PDE3B: variants seen among roughly 807,000 people sequenced by gnomAD.
PDE3B encodes phosphodiesterase 3B, also known as cGMP-inhibited 3',5'-cyclic phosphodiesterase 3B.
PDE3B carries 66 observed loss-of-function variants against 116.8 expected under a neutral mutation model. The ratio of observed to expected loss-of-function variants is 0.56; its 90% CI spans 0.46 to 0.69. The LOEUF is 0.69. Among genes scored for constraint, PDE3B ranks in the 30% least tolerant of loss-of-function variants. The pLI is 0.00. For synonymous variants in PDE3B, 595 were observed against 533.6 expected (o/e 1.12, Z -1.59); for missense variants, 1,384 against 1,368.1 (o/e 1.01, Z -0.18).
At chr11:14,674,917 C>T (rs752380294) in intron 1 of PDE3B, among the ~76,000 whole-genome samples, 2 of 152,128 alleles carry the variant, frequency 1.3e-5, no homozygotes, top group Admixed American at 6.6e-5. Flanking sequence ...GGCAGGACTA[C>T]TAATTTTTTT....
intron 1 of PDE3B, among the ~76,000 whole-genome samples, chr11:14,662,473 G>T (rs1003619076): frequency 6.6e-6 from 1 of 152,124 alleles, no homozygotes; most frequent in Non-Finnish European, 1.5e-5. Flanking sequence ...ACTTTGACGA[G>T]TTGAGAGAAG....
the PDE3B span, chr11:14,880,730 G>A: frequency 6.2e-7 from 1 of 1,605,498 alleles, no homozygotes; most frequent in Non-Finnish European, 8.5e-7. Flanking sequence ...AATCGTCTGT[G>A]ATCAACCCAT....
chr11:14,769,613 A>T (rs982801850), intron 1 of PDE3B, among the ~76,000 whole-genome samples: 1 of 147,126 alleles, frequency 6.8e-6, no homozygotes, highest in Non-Finnish European at 1.5e-5. Flanking sequence ...ATATATATAT[A>T]TTTATATTGT....
At chr11:14,827,361 AAG>A (rs1167763027) in intron 7 of PDE3B, among the ~76,000 whole-genome samples, 5 of 152,142 alleles carry the variant, frequency 3.3e-5, no homozygotes, top group Non-Finnish European at 5.9e-5. Context: ...TCCAAATAGG[AAG>A]AGAGGAGGTC....
intron 1 of PDE3B, among the ~76,000 whole-genome samples, chr11:14,708,617 G>T (rs1179076760): frequency 6.6e-6 from 1 of 151,962 alleles, no homozygotes; most frequent in African/African-American, 2.4e-5. Flanking sequence ...CAGTAAATCT[G>T]ATGCAGGTAT....
chr11:14,881,378 A>T, the PDE3B span, among the ~76,000 whole-genome samples: 1 of 152,144 alleles, frequency 6.6e-6, no homozygotes, highest in Non-Finnish European at 1.5e-5. Flanking sequence ...AAAATTTCAG[A>T]GTCTCCACAA....
intron 1 of PDE3B, among the ~76,000 whole-genome samples, chr11:14,749,879 G>T (rs1857008851): frequency 2.1e-4 from 13 of 60,828 alleles, no homozygotes; most frequent in South Asian, 5.8e-4. Context: ...TATATTTATA[G>T]ATTTAAAATA....
At chr11:14,675,459 C>A (rs991047844) in intron 1 of PDE3B, among the ~76,000 whole-genome samples, 2 of 152,058 alleles carry the variant, frequency 1.3e-5, no homozygotes, top group African/African-American at 2.4e-5. Flanking sequence ...GTTATATACA[C>A]TTATGTAATC....
chr11:14,885,741 T>C, the PDE3B span: 1 of 1,596,846 alleles, frequency 6.3e-7, no homozygotes, highest in East Asian at 2.2e-5. Flanking sequence ...TTAAAATATC[T>C]TAGTAAATCA....
chr11:14,809,536 A>G (rs1859061220), intron 5 of PDE3B, among the ~76,000 whole-genome samples: 1 of 152,254 alleles, frequency 6.6e-6, no homozygotes, highest in African/African-American at 2.4e-5. Flanking sequence ...ACAGATCTAT[A>G]GATAGAGAAA....
At chr11:14,645,409 A>G (rs1233422741) in intron 1 of PDE3B, among the ~76,000 whole-genome samples, 1 of 152,154 alleles carries the variant, frequency 6.6e-6, no homozygotes, top group Non-Finnish European at 1.5e-5. Flanking sequence ...GCATCCTCTG[A>G]TATGTGTCTT....
chr11:14,649,523 T>C (rs1262261094), intron 1 of PDE3B, among the ~76,000 whole-genome samples: 1 of 152,232 alleles, frequency 6.6e-6, no homozygotes, highest in African/African-American at 2.4e-5. Flanking sequence ...GGAGCATATA[T>C]ACTTCCCATC....
intron 14 of PDE3B, among the ~76,000 whole-genome samples, chr11:14,865,978 C>T (rs1322505733): frequency 2.6e-5 from 4 of 152,052 alleles, no homozygotes; most frequent in African/African-American, 9.7e-5. Context: ...GAAGCCATGC[C>T]TGAGGTTGAA....
At chr11:14,695,439 T>A (rs1391184268) in intron 1 of PDE3B, among the ~76,000 whole-genome samples, 1 of 152,136 alleles carries the variant, frequency 6.6e-6, no homozygotes, top group Non-Finnish European at 1.5e-5. Context: ...TTGGTAGACA[T>A]ATGTACTAAT....
chr11:14,711,403 T>C (rs1590079981), intron 1 of PDE3B, among the ~76,000 whole-genome samples: 1 of 152,046 alleles, frequency 6.6e-6, no homozygotes, highest in Admixed American at 6.5e-5. Flanking sequence ...TAAAGAAATA[T>C]CTGAGATGGA....
chr11:14,877,593 G>A, the PDE3B span: 1 of 152,356 alleles, frequency 6.6e-6, no homozygotes, highest in Non-Finnish European at 1.5e-5. Flanking sequence ...GCACTGGCAG[G>A]CTCTACATTA....
intron 1 of PDE3B, among the ~76,000 whole-genome samples, chr11:14,728,859 C>G (rs1856385110): frequency 6.6e-6 from 1 of 152,076 alleles, no homozygotes; most frequent in Non-Finnish European, 1.5e-5. Context: ...CATGTTGACT[C>G]ATTTATCAGA....
chr11:14,661,344 G>C (rs1853900086), intron 1 of PDE3B, among the ~76,000 whole-genome samples: 1 of 152,250 alleles, frequency 6.6e-6, no homozygotes, highest in South Asian at 2.1e-4. Flanking sequence ...GGCCGAATAG[G>C]AACAGCTCCG....
At chr11:14,713,179 C>T (rs1021933589) in intron 1 of PDE3B, among the ~76,000 whole-genome samples, 1 of 152,148 alleles carries the variant, frequency 6.6e-6, no homozygotes, top group African/African-American at 2.4e-5. Context: ...GCATTAATTA[C>T]ATAGGTGTTA....
Sources: allele counts gnomAD v4.1 joint callset (sites outside exome capture counted in the v4.1 genomes callset), GRCh38; gene constraint gnomAD v4.1.1; transcripts MANE v1.5; gene names NCBI Gene and HGNC (gene_info 2026-07-23, HGNC 2026-07-21).